Variants in SNTG1 observed in about 807,000 individuals in gnomAD.
SNTG1 encodes syntrophin gamma 1, also known as gamma-1-syntrophin.
In SNTG1, 39 loss-of-function variants were observed where a neutral mutation model predicts 74.7. The ratio of observed to expected loss-of-function variants is 0.52; its 90% CI spans 0.40 to 0.68. SNTG1 has a LOEUF of 0.68. Among genes scored for constraint, SNTG1 ranks in the 30% least tolerant of loss-of-function variants. SNTG1 has a pLI of 0.00. For synonymous variants in SNTG1, 254 were observed against 217.1 expected (o/e 1.17, Z -1.49); for missense variants, 685 against 609.5 (o/e 1.12, Z -1.30).
intron 18 of SNTG1, among the ~76,000 whole-genome samples, chr8:50,765,859 T>C (rs1163665975): frequency 6.6e-6 from 1 of 152,008 alleles, no homozygotes; most frequent in East Asian, 1.9e-4. Context: ...AATAATGTTT[T>C]CTATAATGCA....
chr8:50,455,777 T>C (rs1587687676), intron 8 of SNTG1, among the ~76,000 whole-genome samples: 1 of 152,218 alleles, frequency 6.6e-6, no homozygotes, highest in Non-Finnish European at 1.5e-5. Flanking sequence ...ATATTTAGCA[T>C]GTGAGTTGAG....
At chr8:49,978,239 G>A (rs548152400) in intron 1 of SNTG1, among the ~76,000 whole-genome samples, 4 of 152,088 alleles carry the variant, frequency 2.6e-5, no homozygotes, top group Admixed American at 6.5e-5. Flanking sequence ...GAGAGCGGGG[G>A]AGAGAGGGAG....
At chr8:50,105,285 A>G (rs2080322307) in intron 1 of SNTG1, among the ~76,000 whole-genome samples, 1 of 151,980 alleles carries the variant, frequency 6.6e-6, no homozygotes, top group Non-Finnish European at 1.5e-5. Context: ...ATTGAATAGG[A>G]AGTTCTTTTC....
rs1563687105 is a variant in SNTG1, at chr8:50,645,157, AGG to A, written c.850-11751_850-11750del. Among the ~76,000 whole-genome samples, 220 of 151,236 alleles carry A rather than the reference AGG, an allele frequency of 1.5e-3. 1 individual carries two copies. The highest frequency in any genetic ancestry group is 5.1e-3 in the African/African-American group (208 of 41,180). On this transcript the variant is annotated intron_variant, in intron 13 of 18. Transcript: ENST00000642720. ...TATAGAAACATGTTTATTTTATAGAAGGTTCTATAATGAACCTTGAAACATAT... is the reference window on the plus strand; with the variant it reads ...TATAGAAACATGTTTATTTTATAGAATTCTATAATGAACCTTGAAACATAT...
chr8:50,697,874 G>A (rs918796248), intron 15 of SNTG1, among the ~76,000 whole-genome samples: 8 of 152,066 alleles, frequency 5.3e-5, no homozygotes, highest in Non-Finnish European at 1.0e-4. Context: ...TGTTAATTAG[G>A]GATATAGGTC....
chr8:50,492,642 T>C (rs1181016354), intron 8 of SNTG1, among the ~76,000 whole-genome samples: 1 of 152,226 alleles, frequency 6.6e-6, no homozygotes, highest in Non-Finnish European at 1.5e-5. Context: ...TATTAGTCCT[T>C]TGTCAGATGG....
chr8:50,780,302 T>G (rs1332083322), intron 18 of SNTG1, among the ~76,000 whole-genome samples: 7 of 152,200 alleles, frequency 4.6e-5, no homozygotes, highest in Middle Eastern at 3.4e-3. Flanking sequence ...TTGTACCTCT[T>G]GTAGAATTCG....
intron 2 of SNTG1, among the ~76,000 whole-genome samples, chr8:50,204,163 C>G (rs937492776): frequency 1.3e-5 from 2 of 152,174 alleles, no homozygotes; most frequent in Non-Finnish European, 2.9e-5. Flanking sequence ...GACTAGCCAT[C>G]TACCTTACAG....
At chr8:50,770,606 A>G (rs1395769587) in intron 18 of SNTG1, among the ~76,000 whole-genome samples, 1 of 152,042 alleles carries the variant, frequency 6.6e-6, no homozygotes, top group Admixed American at 6.6e-5. Context: ...AGAGAAGTCA[A>G]TTTGCAGGCT....
intron 2 of SNTG1, among the ~76,000 whole-genome samples, chr8:50,333,326 C>T (rs2091030913): frequency 1.3e-5 from 2 of 152,202 alleles, no homozygotes; most frequent in Non-Finnish European, 2.9e-5. Flanking sequence ...GTGTCTAATA[C>T]ATATTGAATG....
chr8:50,359,519 A>G (rs530534749), intron 2 of SNTG1, among the ~76,000 whole-genome samples: 1 of 152,272 alleles, frequency 6.6e-6, no homozygotes, highest in African/African-American at 2.4e-5. Flanking sequence ...GTTGTTCCCA[A>G]TGTGATAATA....
chr8:50,691,515 T>C (rs2095379302), intron 15 of SNTG1, among the ~76,000 whole-genome samples: 1 of 152,292 alleles, frequency 6.6e-6, no homozygotes, highest in Non-Finnish European at 1.5e-5. Flanking sequence ...TGAAGCTTAG[T>C]TTGGCTGGAT....
chr8:50,761,620 T>C (rs1375127046), intron 18 of SNTG1, among the ~76,000 whole-genome samples: 1 of 150,750 alleles, frequency 6.6e-6, no homozygotes, highest in Non-Finnish European at 1.5e-5. Flanking sequence ...TTTTTCATGA[T>C]CTGTGGTTTT....
chr8:50,683,867 T>C (rs1006831169), intron 15 of SNTG1, among the ~76,000 whole-genome samples: 5 of 152,210 alleles, frequency 3.3e-5, no homozygotes, highest in African/African-American at 1.2e-4. Flanking sequence ...GATTTCATAA[T>C]TGTCCTCAAG....
chr8:49,974,804 C>T (rs1812039574), intron 1 of SNTG1, among the ~76,000 whole-genome samples: 1 of 152,126 alleles, frequency 6.6e-6, no homozygotes, highest in South Asian at 2.1e-4. Flanking sequence ...ATGTATCCTG[C>T]AAACTACAGT....
At chr8:50,031,193 GTGTGTTGA>G (rs1817713402) in intron 1 of SNTG1, among the ~76,000 whole-genome samples, 2 of 151,744 alleles carry the variant, frequency 1.3e-5, no homozygotes, top group Non-Finnish European at 2.9e-5. Context: ...GTTGATTTTT[GTGTGTTGA>G]TCTTGTTGGA....
At position 50,605,173 on chromosome 8, in the gene SNTG1, T is replaced by A. The variant is rs146618455; in HGVS notation, c.849+14256T>A. ...CCTGTCTTGAAGCAGAATGAAGGAG[T>A]CACTTTCATTTCTGTGAGCTGCACA... On this transcript the variant is annotated intron_variant, in intron 13 of 18. Coordinates refer to ENST00000642720, the MANE Select transcript of SNTG1 (RefSeq NM_018967.5). Among the ~76,000 whole-genome samples, 827 of 152,088 alleles carry A rather than the reference T, an allele frequency of 5.4e-3. 8 individuals are homozygous for A. Among genetic ancestry groups the A allele is most frequent in the African/African-American group, 0.019 (774 of 41,512 alleles).
At position 50,754,156 on chromosome 8, in the gene SNTG1, T is replaced by C. The variant is rs114915399; in HGVS notation, c.1395+2045T>C. Among the ~76,000 whole-genome samples the C allele has an allele frequency of 2.3e-3, 353 of 152,132 alleles. 1 individual carries two copies. The highest frequency in any genetic ancestry group is 8.3e-3 in the African/African-American group (343 of 41,542). ...TCACAGGAGCAAAACAATCGTAGTG[T>C]AGATGTTCTTGTGTGGACATAAGCT... On this transcript the variant is annotated intron_variant, in intron 18 of 18. Transcript: ENST00000642720.
intron 9 of SNTG1, among the ~76,000 whole-genome samples, chr8:50,526,646 CATATAT>C (rs34994608): frequency 6.9e-6 from 1 of 144,516 alleles, no homozygotes. Context: ...TATATACACG[CATATAT>C]ATATATATAT....
Sources: allele counts gnomAD v4.1 joint callset (sites outside exome capture counted in the v4.1 genomes callset), GRCh38; gene constraint gnomAD v4.1.1; transcripts MANE v1.5; gene names NCBI Gene and HGNC (gene_info 2026-07-23, HGNC 2026-07-21).